Variants in MEI1 observed in about 807,000 individuals in gnomAD.
The protein encoded by MEI1 is meiotic double-stranded break formation protein 1, also known as meiosis inhibitor protein 1.
In MEI1, 103 loss-of-function variants were observed where a neutral mutation model predicts 146.2. That is an observed-to-expected ratio of 0.70 (90% CI 0.60 to 0.83). The LOEUF is 0.83. Ranked by LOEUF, MEI1 falls within the 40% of genes least tolerant of loss-of-function variation. The pLI, the probability that MEI1 is intolerant of heterozygous loss-of-function variation, is 0.00. For missense variants in MEI1, 1,529 were observed against 1,533.0 expected (o/e 1.00, Z 0.04); for synonymous variants, 652 against 628.2 (o/e 1.04, Z -0.57).
At chr22:41,741,942 CAAAA>C (rs10544640) in intron 11 of MEI1, among the ~76,000 whole-genome samples, 11 of 116,170 alleles carry the variant, frequency 9.5e-5, no homozygotes, top group East Asian at 7.6e-4. Context: ...GACTCCATCT[CAAAA>C]AAAAAAAAAA....
chr22:41,756,477 C>T (rs1569260669), intron 17 of MEI1, among the ~76,000 whole-genome samples: 2 of 147,766 alleles, frequency 1.4e-5, no homozygotes, highest in Non-Finnish European at 3.0e-5. Flanking sequence ...TTTTTCTTTC[C>T]TTTTTTTTTG....
chr22:41,715,598 T>C (rs1193466823), intron 4 of MEI1, among the ~76,000 whole-genome samples: 3 of 152,012 alleles, frequency 2.0e-5, no homozygotes, highest in Non-Finnish European at 4.4e-5. Flanking sequence ...GGTTTCACTG[T>C]GTTAGCCAGG....
At chr22:41,709,286 G>C (rs2069350682) in intron 3 of MEI1, 1 of 820,442 alleles carries the variant, frequency 1.2e-6, no homozygotes, top group Admixed American at 1.7e-5. Flanking sequence ...ATTTTCTGCA[G>C]GGTTATTCCC....
intron 24 of MEI1, among the ~76,000 whole-genome samples, chr22:41,782,736 C>T (rs1169291697): frequency 6.6e-6 from 1 of 152,208 alleles, no homozygotes; most frequent in African/African-American, 2.4e-5. Flanking sequence ...AGAAACCTTT[C>T]CTAATTTTCC....
intron 7 of MEI1, among the ~76,000 whole-genome samples, chr22:41,724,395 G>A (rs893460337): frequency 3.9e-5 from 6 of 152,112 alleles, no homozygotes; most frequent in Non-Finnish European, 5.9e-5. Context: ...CAAGGCTGGC[G>A]GATCATGAGG....
chr22:41,724,803 CTTTT>C (rs74762751), intron 7 of MEI1, among the ~76,000 whole-genome samples: 4 of 138,976 alleles, frequency 2.9e-5, no homozygotes, highest in Admixed American at 7.3e-5. Flanking sequence ...TTTGTAAATT[CTTTT>C]TTTTTTTTTT....
intron 4 of MEI1, among the ~76,000 whole-genome samples, chr22:41,715,546 C>A (rs1158991523): frequency 6.6e-6 from 1 of 152,054 alleles, no homozygotes; most frequent in Non-Finnish European, 1.5e-5. Flanking sequence ...CAGGCGCCTC[C>A]CACCACACCC....
Position 41,770,698 on chromosome 22 carries a change from G to A in MEI1, c.2281G>A (p.Ala761Thr), listed in dbSNP as rs1398080975. 2 of 1,613,624 alleles carry A rather than the reference G, an allele frequency of 1.2e-6. No homozygotes were observed. Among genetic ancestry groups the A allele is most frequent in the Non-Finnish European group, 1.7e-6 (2 of 1,179,830 alleles). The change falls in exon 20 of 31, where the codon GCA becomes ACA. Residue 761 changes from alanine to threonine, a missense_variant. Coordinates refer to ENST00000401548, the MANE Select transcript of MEI1 (RefSeq NM_152513.4). ...DNTLRETMVS[A>T]IRKFLEGIPD... ...GTTTTGCCTCCAGACTATGGTCAGTGCAATCAGAAAATTCCTAGAAGGCAT... is the reference window on the plus strand; with the variant it reads ...GTTTTGCCTCCAGACTATGGTCAGTACAATCAGAAAATTCCTAGAAGGCAT...
intron 9 of MEI1, 90 bp from the exon 10 acceptor site, chr22:41,732,155 G>T: frequency 9.9e-7 from 1 of 1,007,552 alleles, no homozygotes; most frequent in Non-Finnish European, 1.5e-6. Context: ...ACTCATACAT[G>T]CTGTCCAGAG....
Position 41,780,584 on chromosome 22 carries a change from T to C in MEI1, c.2816-700T>C, listed in dbSNP as rs527272667. 1.0e-4 allele frequency among the ~76,000 whole-genome samples: 15 copies of C among 148,744 alleles called. 1 individual carries two copies. Among genetic ancestry groups the C allele is most frequent in the Admixed American group, 6.0e-4 (9 of 15,018 alleles). On this transcript the variant is annotated intron_variant, in intron 22 of 30. Coordinates refer to ENST00000401548, the MANE Select transcript of MEI1 (RefSeq NM_152513.4). Reference sequence around the variant, plus strand: ...TTGAGCTGAATTTTTTTCTTTTCTTTTTTTTTTTTTTTTTGAGACAGGGTC... The same window carrying C: ...TTGAGCTGAATTTTTTTCTTTTCTTCTTTTTTTTTTTTTTGAGACAGGGTC...
At chr22:41,781,884 GCA>G in intron 24 of MEI1, 39 bp downstream of exon 24, 2 of 1,606,834 alleles carry the variant, frequency 1.2e-6, no homozygotes. Context: ...GCATGGGGTG[GCA>G]CTCAAAGGAG....
chr22:41,717,929 A>T, intron 5 of MEI1, 142 bp from the exon 6 acceptor site: 1 of 691,132 alleles, frequency 1.4e-6, no homozygotes, highest in Non-Finnish European at 2.3e-6. Flanking sequence ...TTTTGCCTTT[A>T]GATTAAGCAT....
rs766520731 is a variant in MEI1 at position 41,763,315 on chromosome 22, A to C, written c.2262A>C (p.Leu754=). Residue 754 remains leucine, a synonymous_variant, in exon 19 of 31, where the codon CTA becomes CTC. Coordinates refer to ENST00000401548, the MANE Select transcript of MEI1 (RefSeq NM_152513.4). ...TCTGCCAGGACAAAGACAATACACT[A>C]CGTGAGGTATGGACCACAATGCCTG... ...LAICQDKDNT[L]RETMVSAIRK... 4.3e-6 allele frequency: 7 copies of C among 1,613,822 alleles called. No homozygotes were observed. The highest frequency in any genetic ancestry group is 4.2e-6 in the Non-Finnish European group (5 of 1,179,828).
At chr22:41,726,692 A>G (rs1039691237) in intron 7 of MEI1, among the ~76,000 whole-genome samples, 1 of 152,192 alleles carries the variant, frequency 6.6e-6, no homozygotes, top group Non-Finnish European at 1.5e-5. Context: ...GTGGTACATA[A>G]AATAATGGCT....
At chr22:41,788,121 C>T (rs1406494962) in intron 26 of MEI1, among the ~76,000 whole-genome samples, 1 of 151,930 alleles carries the variant, frequency 6.6e-6, no homozygotes, top group Non-Finnish European at 1.5e-5. Flanking sequence ...ACCTCTGCCT[C>T]CTGAGTTAAG....
chr22:41,706,636 T>A (rs990415580), intron 3 of MEI1, among the ~76,000 whole-genome samples: 3 of 151,340 alleles, frequency 2.0e-5, no homozygotes, highest in Non-Finnish European at 4.4e-5. Flanking sequence ...ATCCCTTGAG[T>A]CCAGGAGTTT....
chr22:41,709,359 C>G, intron 3 of MEI1: 1 of 734,664 alleles, frequency 1.4e-6, no homozygotes. Context: ...TTGCAGGGGC[C>G]TTTTTAGGCT....
intron 22 of MEI1, 136 bp from the exon 23 acceptor site, chr22:41,781,148 T>G (rs1201699132): frequency 6.1e-6 from 4 of 654,372 alleles, no homozygotes; most frequent in Non-Finnish European, 1.1e-5. Flanking sequence ...TTCTTTCCAT[T>G]GGTTGTAATA....
intron 3 of MEI1, among the ~76,000 whole-genome samples, chr22:41,710,909 G>A (rs118038454): frequency 1.5e-4 from 23 of 152,308 alleles, no homozygotes; most frequent in East Asian, 9.6e-4. Flanking sequence ...GGGAAAGTCC[G>A]TGTTGTTGAG....
Sources: allele counts gnomAD v4.1 joint callset (sites outside exome capture counted in the v4.1 genomes callset), GRCh38; gene constraint gnomAD v4.1.1; transcripts MANE v1.5; gene names NCBI Gene and HGNC (gene_info 2026-07-23, HGNC 2026-07-21).